CLIP2: variants seen among roughly 807,000 people sequenced by gnomAD.
CLIP2 encodes the protein CAP-Gly domain-containing linker protein 2.
CLIP2 carries 41 observed loss-of-function variants against 111.7 expected under a neutral mutation model. The ratio of observed to expected loss-of-function variants is 0.37; its 90% CI spans 0.29 to 0.48. CLIP2 has a LOEUF of 0.48. Ranked by LOEUF, CLIP2 falls within the 20% of genes least tolerant of loss-of-function variation. The pLI, the probability that CLIP2 is intolerant of heterozygous loss-of-function variation, is 0.99. For missense variants in CLIP2, 1,160 were observed against 1,422.1 expected (o/e 0.82, Z 2.96); for synonymous variants, 660 against 644.2 (o/e 1.02, Z -0.37).
chr7:74,315,547 T>C (rs1422772603), intron 1 of CLIP2, among the ~76,000 whole-genome samples: 1 of 151,896 alleles, frequency 6.6e-6, no homozygotes, highest in African/African-American at 2.4e-5. Context: ...ACCTGGCCCT[T>C]GTTTTTTCTT....
intron 4 of CLIP2, among the ~76,000 whole-genome samples, chr7:74,355,299 G>A (rs948044763): frequency 3.1e-4 from 47 of 152,088 alleles, no homozygotes; most frequent in African/African-American, 1.0e-3. Flanking sequence ...ATGGGGCAGC[G>A]GTTTCAAGTG....
chr7:74,343,827 CAG>C (rs1382975979), intron 3 of CLIP2, among the ~76,000 whole-genome samples: 1 of 151,626 alleles, frequency 6.6e-6, no homozygotes, highest in Non-Finnish European at 1.5e-5. Context: ...CACTTGAGCT[CAG>C]GGGGTCAAGG....
chr7:74,395,298 T>C (rs1483763745), intron 13 of CLIP2, among the ~76,000 whole-genome samples: 1 of 152,122 alleles, frequency 6.6e-6, no homozygotes, highest in African/African-American at 2.4e-5. Context: ...TAGCTGGGAT[T>C]ACAGGCATGC....
chr7:74,386,508 C>T lies in CLIP2; in HGVS notation c.2480-13C>T. 3 of 1,610,214 alleles carry T rather than the reference C, an allele frequency of 1.9e-6. No individual in the cohort carries two copies. The highest frequency in any genetic ancestry group is 2.5e-6 in the Non-Finnish European group (3 of 1,177,690). On this transcript the variant is annotated splice_polypyrimidine_tract_variant and intron_variant, in intron 11 of 16. Coordinates refer to ENST00000223398, the MANE Select transcript of CLIP2 (RefSeq NM_003388.5). ...GGAGCATTGATGCTTCTCGTCTCTCCTCTCTCCCCTAGGCCTGCAGGACAA... is the reference window on the plus strand; with the variant it reads ...GGAGCATTGATGCTTCTCGTCTCTCTTCTCTCCCCTAGGCCTGCAGGACAA...
intron 3 of CLIP2, among the ~76,000 whole-genome samples, chr7:74,342,107 G>A (rs1011056699): frequency 1.3e-5 from 2 of 152,194 alleles, no homozygotes; most frequent in Non-Finnish European, 2.9e-5. Flanking sequence ...CTGGCATGGT[G>A]GTTCACACCT....
intron 2 of CLIP2, among the ~76,000 whole-genome samples, chr7:74,332,890 G>A (rs1789334329): frequency 6.6e-6 from 1 of 152,218 alleles, no homozygotes; most frequent in South Asian, 2.1e-4. Flanking sequence ...CTGGCACCTA[G>A]TAGGTCCTCA....
chr7:74,314,717 T>C (rs1410280883), intron 1 of CLIP2, among the ~76,000 whole-genome samples: 1 of 152,228 alleles, frequency 6.6e-6, no homozygotes, highest in Non-Finnish European at 1.5e-5. Context: ...GAGTCCTGCC[T>C]GCAGCTCTGG....
intron 2 of CLIP2, among the ~76,000 whole-genome samples, chr7:74,324,142 G>A (rs542781757): frequency 5.8e-4 from 89 of 152,158 alleles, no homozygotes; most frequent in Admixed American, 1.2e-3. Context: ...ACAGGTGGCC[G>A]TCACCATGCC....
intron 3 of CLIP2, among the ~76,000 whole-genome samples, chr7:74,351,750 C>T (rs541287681): frequency 5.0e-4 from 76 of 152,248 alleles, no homozygotes; most frequent in Middle Eastern, 6.8e-3. Flanking sequence ...GCTGGAGAAC[C>T]GCTTGAACCT....
At chr7:74,395,273 C>T (rs1554316501) in intron 13 of CLIP2, among the ~76,000 whole-genome samples, 1 of 152,122 alleles carries the variant, frequency 6.6e-6, no homozygotes, top group African/African-American at 2.4e-5. Context: ...AATTCTCCTG[C>T]CCCAGCCTCT....
At chr7:74,334,793 A>G (rs534707334) in intron 2 of CLIP2, among the ~76,000 whole-genome samples, 2 of 148,396 alleles carry the variant, frequency 1.3e-5, no homozygotes, top group Admixed American at 6.9e-5. Flanking sequence ...CAGCCTTACC[A>G]CATGGCAAAA....
intron 3 of CLIP2, 138 bp downstream of exon 3, chr7:74,339,142 AC>A: frequency 1.4e-6 from 1 of 720,654 alleles, no homozygotes; most frequent in Non-Finnish European, 2.2e-6. Flanking sequence ...AGCCTGGGAC[AC>A]CCATTCCTTA....
chr7:74,356,699 C>G, intron 5 of CLIP2, 76 bp downstream of exon 5: 1 of 1,363,572 alleles, frequency 7.3e-7, no homozygotes, highest in Non-Finnish European at 1.0e-6. Context: ...TCCAGGTGTT[C>G]TGGTCTGCCC....
At chr7:74,361,916 C>T (rs951376845) in intron 7 of CLIP2, among the ~76,000 whole-genome samples, 134 of 152,126 alleles carry the variant, frequency 8.8e-4, no homozygotes, top group Non-Finnish European at 9.9e-4. Flanking sequence ...GCCTGGCCAA[C>T]GTGGTGAAAC....
intron 1 of CLIP2, among the ~76,000 whole-genome samples, chr7:74,311,588 C>G (rs1475423868): frequency 1.3e-5 from 2 of 152,118 alleles, no homozygotes; most frequent in East Asian, 3.8e-4. Context: ...GTCTTCTTAG[C>G]AAGTTGCAGA....
intron 1 of CLIP2, among the ~76,000 whole-genome samples, chr7:74,300,519 C>A (rs1220934533): frequency 6.6e-6 from 1 of 150,662 alleles, no homozygotes; most frequent in African/African-American, 2.4e-5. Context: ...GCAGTGGTGC[C>A]ATCTCGGCTC....
chr7:74,398,314 G>A (rs1554317031), intron 14 of CLIP2, among the ~76,000 whole-genome samples: 1 of 151,964 alleles, frequency 6.6e-6, no homozygotes, highest in Non-Finnish European at 1.5e-5. Context: ...AGCTGAGATT[G>A]CGCCACTGCA....
chr7:74,328,257 A>C (rs1464838779), intron 2 of CLIP2, among the ~76,000 whole-genome samples: 5 of 152,138 alleles, frequency 3.3e-5, no homozygotes, highest in Non-Finnish European at 5.9e-5. Context: ...TCTTCAAGGA[A>C]TGCTGTGGAG....
At chr7:74,321,364 T>C (rs1395890127) in intron 2 of CLIP2, among the ~76,000 whole-genome samples, 1 of 152,196 alleles carries the variant, frequency 6.6e-6, no homozygotes, top group Non-Finnish European at 1.5e-5. Context: ...TTTATCGTGG[T>C]CCCACAGGAT....
Sources: gnomAD v4.1 joint callset for allele counts (sites outside exome capture counted in the v4.1 genomes callset) on GRCh38, gnomAD v4.1.1 for gene constraint, MANE v1.5 for transcripts, NCBI Gene and HGNC (gene_info 2026-07-23, HGNC 2026-07-21) for gene names.